The following MCPH1 variants were observed in gnomAD, a reference collection of about 807,000 sequenced individuals.
The protein encoded by MCPH1 is microcephalin 1.
A neutral mutation model predicts 84.5 loss-of-function variants in MCPH1; 104 were observed. The observed-to-expected ratio is 1.23, with a 90% CI of 1.05 to 1.45. The LOEUF is 1.45. Ranked by LOEUF, MCPH1 falls within the 40% of genes most tolerant of loss-of-function variation. The probability of loss-of-function intolerance (pLI) is 0.00; values close to 1 mark genes in which losing one functional copy is unlikely to be tolerated. For synonymous variants in MCPH1, 514 were observed against 366.8 expected (o/e 1.40, Z -4.58); for missense variants, 1,498 against 1,005.7 (o/e 1.49, Z -6.62).
chr8:6,510,108 A>G lies in MCPH1; in HGVS notation c.2214+10179A>G, dbSNP rs544773474. Among the ~76,000 whole-genome samples, 248 of 152,306 alleles carry G rather than the reference A, an allele frequency of 1.6e-3. 2 individuals are homozygous for G. The highest frequency in any genetic ancestry group is 3.4e-3 in the Admixed American group (52 of 15,308). On this transcript the variant is annotated intron_variant, in intron 12 of 13. Coordinates refer to ENST00000344683, the MANE Select transcript of MCPH1 (RefSeq NM_024596.5). ...TTACATCGGTCATCTGTGTACCAGCAAGGAGCATATAAGGGAAGGGAGAAG... is the reference window on the plus strand; with the variant it reads ...TTACATCGGTCATCTGTGTACCAGCGAGGAGCATATAAGGGAAGGGAGAAG...
chr8:6,565,176 G>C (rs1193205500), intron 12 of MCPH1, among the ~76,000 whole-genome samples: 1 of 152,202 alleles, frequency 6.6e-6, no homozygotes, highest in African/African-American at 2.4e-5. Context: ...CTAGTCATAA[G>C]ATGGAGATCA....
intron 12 of MCPH1, among the ~76,000 whole-genome samples, chr8:6,565,234 G>C (rs1826058585): frequency 6.6e-6 from 1 of 152,140 alleles, no homozygotes; most frequent in African/African-American, 2.4e-5. Flanking sequence ...TGTATGTTTA[G>C]AAATATTTGT....
Position 6,438,993 on chromosome 8 carries a change from A to G in MCPH1, c.477A>G (p.Ser159=), listed in dbSNP as rs41313948. ...TTCTCTTATTTGAATCTAATGGTTC[A>G]TTAATATATACTCCCACAATTGAAA... ...VPILLFESNG[S]LIYTPTIEIN... The change falls in exon 6 of 14, where the codon TCA becomes TCG. Residue 159 remains serine (S), a synonymous_variant. Coordinates refer to ENST00000344683, the MANE Select transcript of MCPH1 (RefSeq NM_024596.5). 3 of 1,611,056 alleles carry G rather than the reference A, an allele frequency of 1.9e-6. No homozygotes were observed. The highest frequency in any genetic ancestry group is 2.5e-6 in the Non-Finnish European group (3 of 1,177,540).
At chr8:6,606,507 C>G (rs753364604) in intron 12 of MCPH1, among the ~76,000 whole-genome samples, 8 of 152,190 alleles carry the variant, frequency 5.3e-5, no homozygotes, top group Non-Finnish European at 1.0e-4. Flanking sequence ...GGGAACTTCC[C>G]TAGGTCCGGC....
chr8:6,442,072 C>G lies in MCPH1; in HGVS notation c.586C>G (p.Gln196Glu). 1 of 1,611,406 alleles carries G rather than the reference C, an allele frequency of 6.2e-7. No homozygotes were observed. Among genetic ancestry groups the G allele is most frequent in the Non-Finnish European group, 8.5e-7 (1 of 1,177,612 alleles). ...KRENLSPTSSQMIQQSHDNPS... is the reference protein window; with the variant it reads ...KRENLSPTSSEMIQQSHDNPS... Reference sequence around the variant, plus strand: ...TGTCTTGGTCCTGTTTTTAGCTTCCCAAATGATTCAGCAGTCTCATGATAA... The same window carrying G: ...TGTCTTGGTCCTGTTTTTAGCTTCCGAAATGATTCAGCAGTCTCATGATAA... The change falls in exon 7 of 14, where the codon CAA becomes GAA. Residue 196 changes from glutamine to glutamate, a missense_variant. Gln to Glu is a conservative substitution (Grantham distance 29). Transcript: ENST00000344683.
At chr8:6,529,864 T>A (rs188890895) in intron 12 of MCPH1, among the ~76,000 whole-genome samples, 2 of 143,620 alleles carry the variant, frequency 1.4e-5, no homozygotes, top group East Asian at 2.0e-4. Flanking sequence ...TAACATGATA[T>A]CTAGTTTCAC....
At chr8:6,471,261 A>T (rs891239124) in intron 9 of MCPH1, among the ~76,000 whole-genome samples, 27 of 152,328 alleles carry the variant, frequency 1.8e-4, no homozygotes, top group Middle Eastern at 3.4e-3. Context: ...GTTATTTCTG[A>T]GTAAGTGAAT....
At chr8:6,642,292 G>A (rs1322014182) in intron 13 of MCPH1, among the ~76,000 whole-genome samples, 1 of 152,026 alleles carries the variant, frequency 6.6e-6, no homozygotes, top group Non-Finnish European at 1.5e-5. Context: ...GGAATAGAAT[G>A]CAGTGCGCTT....
At chr8:6,443,529 GGCCCTCCACCAGCAAGTGCTGA>G (rs1803820183) in intron 7 of MCPH1, among the ~76,000 whole-genome samples, 1 of 152,226 alleles carries the variant, frequency 6.6e-6, no homozygotes. Flanking sequence ...ACAAAACACA[GGCCCTCCACCAGCAAGTGCTGA>G]GCCCCTATTG....
intron 12 of MCPH1, among the ~76,000 whole-genome samples, chr8:6,592,388 C>T (rs1828534857): frequency 6.6e-6 from 1 of 151,758 alleles, no homozygotes; most frequent in Non-Finnish European, 1.5e-5. Context: ...CTCAAGCAAT[C>T]CTCCCACCTT....
At chr8:6,626,433 C>A in intron 13 of MCPH1, 1 of 984,032 alleles carries the variant, frequency 1.0e-6, no homozygotes, top group African/African-American at 1.8e-5. Flanking sequence ...AATCATTCAA[C>A]CAGAAGGAGA....
intron 12 of MCPH1, among the ~76,000 whole-genome samples, chr8:6,570,102 C>T (rs1378532519): frequency 2.0e-5 from 3 of 152,218 alleles, no homozygotes; most frequent in Non-Finnish European, 2.9e-5. Flanking sequence ...CATACCCTTT[C>T]ATTGTTTGGG....
intron 11 of MCPH1, among the ~76,000 whole-genome samples, chr8:6,483,600 C>T (rs1182340019): frequency 1.3e-5 from 2 of 152,180 alleles, no homozygotes; most frequent in African/African-American, 4.8e-5. Context: ...TGGACATACA[C>T]AATCAAGAAA....
rs375173107 is a variant in MCPH1 at position 6,466,181 on chromosome 8, G to C, written c.1935+10929G>C. On this transcript the variant is annotated intron_variant, in intron 9 of 13. Coordinates refer to ENST00000344683, the MANE Select transcript of MCPH1 (RefSeq NM_024596.5). The stretch of plus-strand genomic sequence containing the variant: ...GAGACAGAGTCTTGCTCTATCGCCA[G>C]GCTGGAGTGCAGTTGCGCGATCTTT... 2.4e-4 allele frequency among the ~76,000 whole-genome samples: 34 copies of C among 142,484 alleles called. No homozygotes were observed. The East Asian group carries it at 6.9e-3, about 29-fold the overall frequency. 93.5% of individuals were successfully genotyped at this position (142,484 alleles called of 152,430 possible).
At chr8:6,533,780 G>C (rs1819985302) in intron 12 of MCPH1, among the ~76,000 whole-genome samples, 4 of 151,938 alleles carry the variant, frequency 2.6e-5, no homozygotes, top group African/African-American at 9.7e-5. Context: ...TCTTTATAGA[G>C]AAACCATTCG....
chr8:6,473,645 A>G (rs1042769553), intron 9 of MCPH1, among the ~76,000 whole-genome samples: 1 of 152,150 alleles, frequency 6.6e-6, no homozygotes, highest in Non-Finnish European at 1.5e-5. Flanking sequence ...TCAATCCTTA[A>G]CAATGCTATA....
chr8:6,619,449 C>G (rs1055564489), intron 12 of MCPH1, among the ~76,000 whole-genome samples: 3 of 151,972 alleles, frequency 2.0e-5, no homozygotes, highest in African/African-American at 7.3e-5. Flanking sequence ...TACCAAAATG[C>G]TCGGCTAGTT....
At chr8:6,412,003 G>C (rs1459259541) in intron 2 of MCPH1, among the ~76,000 whole-genome samples, 1 of 152,112 alleles carries the variant, frequency 6.6e-6, no homozygotes, top group Non-Finnish European at 1.5e-5. Context: ...AAAGATAATC[G>C]AAGGCAGGGC....
At chr8:6,544,344 A>G (rs1247825171) in intron 12 of MCPH1, among the ~76,000 whole-genome samples, 2 of 152,138 alleles carry the variant, frequency 1.3e-5, no homozygotes, top group African/African-American at 4.8e-5. Context: ...CGTGATGATT[A>G]TAGTTTGACT....
Sources: allele counts gnomAD v4.1 joint callset (sites outside exome capture counted in the v4.1 genomes callset), GRCh38; gene constraint gnomAD v4.1.1; transcripts MANE v1.5; gene names NCBI Gene and HGNC (gene_info 2026-07-23, HGNC 2026-07-21).